PDE4B: variants seen among roughly 807,000 people sequenced by gnomAD.
PDE4B encodes 3',5'-cyclic-AMP phosphodiesterase 4B.
A neutral mutation model predicts 82.2 loss-of-function variants in PDE4B; 20 were observed. The ratio of observed to expected loss-of-function variants is 0.24; its 90% CI spans 0.17 to 0.35. PDE4B has a LOEUF of 0.35. PDE4B is among the 10% of genes least tolerant of loss of function. The probability of loss-of-function intolerance (pLI) is 1.00; values close to 1 mark genes in which losing one functional copy is unlikely to be tolerated. For synonymous variants in PDE4B, 320 were observed against 318.9 expected, an observed-to-expected ratio of 1.00 and a Z score of -0.04; for missense variants, 655 against 907.2, an observed-to-expected ratio of 0.72 and a Z score of 3.57.
chr1:65,875,265 C>T (rs1390146041), intron 1 of PDE4B, among the ~76,000 whole-genome samples: 1 of 150,336 alleles, frequency 6.7e-6, no homozygotes, highest in African/African-American at 2.4e-5. Context: ...CATCTCACAC[C>T]AGTTAGAATG....
At position 66,064,297 on chromosome 1, in the gene PDE4B, C is replaced by T. The variant is rs968251795; in HGVS notation, c.281+145462C>T. Among the ~76,000 whole-genome samples the T allele has an allele frequency of 2.6e-5, 4 of 151,620 alleles. No individual in the cohort carries two copies. The South Asian group carries it at 8.3e-4, about 32-fold the overall frequency. On this transcript the variant is annotated intron_variant, in intron 3 of 16. Transcript: ENST00000341517. ...CCAAGAAGCTAATGACAGTGGGAAGCCTAGGTCTGAAAAAGTAAAGGTGCA... is the reference window on the plus strand; with the variant it reads ...CCAAGAAGCTAATGACAGTGGGAAGTCTAGGTCTGAAAAAGTAAAGGTGCA...
chr1:66,026,127 T>A (rs983068724), intron 3 of PDE4B, among the ~76,000 whole-genome samples: 18 of 152,196 alleles, frequency 1.2e-4, no homozygotes, highest in African/African-American at 4.3e-4. Context: ...ACATACAAGT[T>A]CAGTTTTTCA....
At chr1:66,142,122 GA>G (rs1033641441) in intron 3 of PDE4B, among the ~76,000 whole-genome samples, 44 of 152,086 alleles carry the variant, frequency 2.9e-4, no homozygotes, top group Middle Eastern at 3.2e-3. Flanking sequence ...TTATTAAGTG[GA>G]AAAGGGTCAT....
chr1:66,255,153 T>C (rs1654110790), intron 4 of PDE4B, among the ~76,000 whole-genome samples: 1 of 152,012 alleles, frequency 6.6e-6, no homozygotes, highest in African/African-American at 2.4e-5. Flanking sequence ...AGTGCGATCA[T>C]GGCTCACTGC....
rs368057700 is a variant in PDE4B, at chr1:66,039,387, G to A, written c.281+120552G>A. ...CATGCCTAAAGCAGACAGATTAACT[G>A]CTTTTCAAGACATAGAGAATTCATG... On this transcript the variant is annotated intron_variant, in intron 3 of 16. Coordinates refer to ENST00000341517, the MANE Select transcript of PDE4B (RefSeq NM_002600.4). Among the ~76,000 whole-genome samples the A allele has an allele frequency of 3.3e-5, 5 of 151,982 alleles. 1 individual carries two copies. Among genetic ancestry groups the A allele is most frequent in the Admixed American group, 2.6e-4 (4 of 15,232 alleles).
intron 3 of PDE4B, among the ~76,000 whole-genome samples, chr1:66,191,372 A>C (rs1367585665): frequency 6.6e-6 from 1 of 152,136 alleles, no homozygotes; most frequent in Non-Finnish European, 1.5e-5. Flanking sequence ...TTTATTAGAG[A>C]GTTTAGGTTA....
intron 3 of PDE4B, among the ~76,000 whole-genome samples, chr1:65,957,305 C>T (rs1482219171): frequency 6.6e-6 from 1 of 152,016 alleles, no homozygotes; most frequent in Non-Finnish European, 1.5e-5. Flanking sequence ...TATATTTTCT[C>T]TAAAAGTTTT....
intron 1 of PDE4B, among the ~76,000 whole-genome samples, chr1:65,798,786 T>C (rs973292594): frequency 6.6e-6 from 1 of 152,248 alleles, no homozygotes; most frequent in African/African-American, 2.4e-5. Flanking sequence ...TAGTTCAAGA[T>C]AGCTTATTTA....
chr1:66,206,329 A>G (rs1472223199), intron 3 of PDE4B, among the ~76,000 whole-genome samples: 1 of 152,198 alleles, frequency 6.6e-6, no homozygotes, highest in African/African-American at 2.4e-5. Context: ...GTTCAGCAAC[A>G]GGAGAGTGTC....
chr1:66,088,630 G>T (rs1489605739), intron 3 of PDE4B, among the ~76,000 whole-genome samples: 1 of 152,038 alleles, frequency 6.6e-6, no homozygotes, highest in Non-Finnish European at 1.5e-5. Flanking sequence ...TGAAGTAGAA[G>T]CCTGTTAATT....
chr1:65,793,286 T>G (rs1645594164), intron 1 of PDE4B, 38 bp downstream of exon 1: 1 of 152,418 alleles, frequency 6.6e-6, no homozygotes, highest in South Asian at 2.1e-4. Context: ...TTATTTTTCC[T>G]CATTCTCTTA....
At chr1:66,046,485 A>G (rs1654721188) in intron 3 of PDE4B, among the ~76,000 whole-genome samples, 1 of 151,810 alleles carries the variant, frequency 6.6e-6, no homozygotes, top group Admixed American at 6.6e-5. Context: ...TCATTCTAAT[A>G]TCTCCCAACG....
At chr1:66,173,371 G>A (rs536907728) in intron 3 of PDE4B, among the ~76,000 whole-genome samples, 1 of 152,160 alleles carries the variant, frequency 6.6e-6, no homozygotes, top group Non-Finnish European at 1.5e-5. Flanking sequence ...GCCAAAATAT[G>A]GGGCCAACCT....
intron 3 of PDE4B, among the ~76,000 whole-genome samples, chr1:66,106,514 T>C (rs1409655936): frequency 4.6e-5 from 7 of 150,762 alleles, no homozygotes; most frequent in Admixed American, 4.6e-4. Flanking sequence ...GAAGGAATCA[T>C]ACCAGTTCCA....
Position 66,315,403 on chromosome 1 carries a change from A to T in PDE4B, c.635-17105A>T, listed in dbSNP as rs191969227. On this transcript the variant is annotated intron_variant, in intron 7 of 16. Coordinates refer to ENST00000341517, the MANE Select transcript of PDE4B (RefSeq NM_002600.4). Reference sequence around the variant, plus strand: ...ACTGTAGGTTAATGCATCTAATTTCACCTGTTCATAAGGCAAATGTTTATT... The same window carrying T: ...ACTGTAGGTTAATGCATCTAATTTCTCCTGTTCATAAGGCAAATGTTTATT... Among the ~76,000 whole-genome samples the T allele has an allele frequency of 2.5e-3, 384 of 152,192 alleles. 1 individual carries two copies. The highest frequency in any genetic ancestry group is 8.9e-3 in the African/African-American group (371 of 41,538).
At chr1:66,106,543 A>C (rs1333025506) in intron 3 of PDE4B, among the ~76,000 whole-genome samples, 1 of 150,114 alleles carries the variant, frequency 6.7e-6, no homozygotes, top group Non-Finnish European at 1.5e-5. Context: ...CTCTGGTAGA[A>C]TTCGGCTGTG....
chr1:65,850,366 G>A (rs984709513), intron 1 of PDE4B, among the ~76,000 whole-genome samples: 2 of 152,068 alleles, frequency 1.3e-5, no homozygotes, highest in African/African-American at 4.8e-5. Flanking sequence ...CAAAGTGCTG[G>A]GATTACAGGG....
intron 3 of PDE4B, among the ~76,000 whole-genome samples, chr1:66,210,561 A>C (rs956594886): frequency 1.5e-5 from 2 of 134,880 alleles, no homozygotes; most frequent in African/African-American, 5.7e-5. Context: ...GCACCACTGC[A>C]CTCCAGCCTG....
chr1:66,231,237 A>G (rs1016507987), intron 3 of PDE4B, among the ~76,000 whole-genome samples: 1 of 152,194 alleles, frequency 6.6e-6, no homozygotes, highest in East Asian at 1.9e-4. Flanking sequence ...CATTTAAGGT[A>G]CTGGTTTTTA....
Sources: allele counts gnomAD v4.1 joint callset (sites outside exome capture counted in the v4.1 genomes callset), GRCh38; gene constraint gnomAD v4.1.1; transcripts MANE v1.5; gene names NCBI Gene and HGNC (gene_info 2026-07-23, HGNC 2026-07-21).